NRF1: variants seen among roughly 807,000 people sequenced by gnomAD.
NRF1 encodes nuclear respiratory factor 1, also known as alpha palindromic-binding protein.
In NRF1, 5 loss-of-function variants were observed where a neutral mutation model predicts 58.5. The ratio of observed to expected loss-of-function variants is 0.09; its 90% CI spans 0.04 to 0.18. The LOEUF (loss-of-function observed/expected upper bound fraction) is 0.18. Ranked by LOEUF, NRF1 falls within the 10% of genes least tolerant of loss-of-function variation. The pLI, the probability that NRF1 is intolerant of heterozygous loss-of-function variation, is 1.00. For missense variants in NRF1, 288 were observed against 657.7 expected (o/e 0.44, Z 6.15); for synonymous variants, 224 against 246.7 (o/e 0.91, Z 0.86).
In NRF1 at chr7:129,709,197, C is replaced by A; in HGVS notation, c.729C>A (p.Val243=). The change falls in exon 6 of 11, where the codon GTC becomes GTA. Residue 243 remains valine (V), a synonymous_variant. Coordinates refer to ENST00000393232, the MANE Select transcript of NRF1 (RefSeq NM_005011.5). ...WWPEDIPWAN[V]RSDVRTEEQK... ...CTGAAGATATCCCCTGGGCAAATGTCCGGAGTGATGTCCGCACAGAAGAGC... is the reference window on the plus strand; with the variant it reads ...CTGAAGATATCCCCTGGGCAAATGTACGGAGTGATGTCCGCACAGAAGAGC... 6.3e-7 allele frequency: 1 copy of A among 1,576,264 alleles called. No individual in the cohort carries two copies. Among genetic ancestry groups the A allele is most frequent in the South Asian group, 1.2e-5 (1 of 85,272 alleles).
chr7:129,688,951 G>A (rs1802504532), intron 4 of NRF1, among the ~76,000 whole-genome samples: 1 of 151,368 alleles, frequency 6.6e-6, no homozygotes, highest in South Asian at 2.1e-4. Context: ...GTGTGTGTGA[G>A]TAGGCAGCAT....
chr7:129,657,262 T>C, intron 1 of NRF1, 84 bp from the exon 2 acceptor site: 2 of 1,020,142 alleles, frequency 2.0e-6, no homozygotes, highest in Non-Finnish European at 3.0e-6. Flanking sequence ...GTTCCTCTGC[T>C]CTTGAATAAA....
At chr7:129,749,950 T>C (rs1804073766) in intron 10 of NRF1, among the ~76,000 whole-genome samples, 1 of 152,080 alleles carries the variant, frequency 6.6e-6, no homozygotes, top group South Asian at 2.1e-4. Flanking sequence ...TTCAGGACAT[T>C]AGAAGTATGT....
intron 6 of NRF1, among the ~76,000 whole-genome samples, chr7:129,709,698 GTATT>G (rs953997941): frequency 2.0e-5 from 3 of 147,258 alleles, no homozygotes; most frequent in Admixed American, 6.7e-5. Context: ...CTTTTTTTGC[GTATT>G]TATTTTTCTT....
chr7:129,702,393 T>A (rs1802847187), intron 5 of NRF1, among the ~76,000 whole-genome samples: 1 of 152,190 alleles, frequency 6.6e-6, no homozygotes, highest in Non-Finnish European at 1.5e-5. Context: ...ACGTTGATCT[T>A]TTCTCCAAAC....
intron 4 of NRF1, among the ~76,000 whole-genome samples, chr7:129,680,142 A>T (rs567975095): frequency 6.6e-6 from 1 of 152,214 alleles, no homozygotes; most frequent in Non-Finnish European, 1.5e-5. Context: ...AATGTCCAAC[A>T]AGCACATGAG....
intron 9 of NRF1, among the ~76,000 whole-genome samples, chr7:129,720,739 C>T (rs1446630257): frequency 2.6e-5 from 4 of 152,070 alleles, no homozygotes; most frequent in Admixed American, 6.6e-5. Context: ...TTCTCAACCA[C>T]GCTGTTAAGA....
intron 10 of NRF1, among the ~76,000 whole-genome samples, chr7:129,753,322 G>T (rs11763880): frequency 0.14 from 22,009 of 152,076 alleles, 1,641 homozygotes; most frequent in South Asian, 0.19. Context: ...GTTGGGGTTG[G>T]TCTAATCAAT....
Position 129,711,594 on chromosome 7 carries a change from T to C in NRF1, c.1065+18T>C, listed in dbSNP as rs773660467. The C allele has an allele frequency of 6.3e-7, 1 of 1,579,070 alleles. No homozygotes were observed. The highest frequency in any genetic ancestry group is 8.7e-7 in the Non-Finnish European group (1 of 1,153,788). Reference sequence around the variant, plus strand: ...ATGGAGAGGTAAGAAAGAGATTCCATCTGCATCTTCTTAAATACTTGAATG... The same window carrying C: ...ATGGAGAGGTAAGAAAGAGATTCCACCTGCATCTTCTTAAATACTTGAATG... On this transcript the variant is annotated intron_variant, in intron 8 of 10. Coordinates refer to ENST00000393232, the MANE Select transcript of NRF1 (RefSeq NM_005011.5).
intron 5 of NRF1, among the ~76,000 whole-genome samples, chr7:129,697,329 G>T (rs1454920993): frequency 6.6e-6 from 1 of 151,868 alleles, no homozygotes; most frequent in Non-Finnish European, 1.5e-5. Flanking sequence ...AGATCATGAG[G>T]TCAGGAGATC....
At chr7:129,629,634 T>C (rs1801004160) in intron 1 of NRF1, among the ~76,000 whole-genome samples, 2 of 152,182 alleles carry the variant, frequency 1.3e-5, no homozygotes, top group Non-Finnish European at 2.9e-5. Flanking sequence ...AATGCAACAC[T>C]TCTGAATGCA....
At chr7:129,750,979 T>TG (rs1417946980) in intron 10 of NRF1, among the ~76,000 whole-genome samples, 1 of 152,208 alleles carries the variant, frequency 6.6e-6, no homozygotes, top group Non-Finnish European at 1.5e-5. Context: ...CACTCAAAGA[T>TG]GGAGACTTAA....
chr7:129,747,932 A>G (rs1242693280), intron 10 of NRF1, among the ~76,000 whole-genome samples: 1 of 152,222 alleles, frequency 6.6e-6, no homozygotes, highest in Admixed American at 6.5e-5. Flanking sequence ...ACATTTTCAT[A>G]TCATATTCAA....
chr7:129,656,372 A>G (rs1192297514), intron 1 of NRF1, among the ~76,000 whole-genome samples: 1 of 152,062 alleles, frequency 6.6e-6, no homozygotes, highest in Non-Finnish European at 1.5e-5. Flanking sequence ...GACAATATGT[A>G]TAATATGAAC....
At chr7:129,643,568 G>T (rs1339791800) in intron 1 of NRF1, among the ~76,000 whole-genome samples, 1 of 152,208 alleles carries the variant, frequency 6.6e-6, no homozygotes, top group Non-Finnish European at 1.5e-5. Context: ...AAATGCTTGG[G>T]TAGACCAAAC....
chr7:129,746,442 G>A (rs1055920253), intron 10 of NRF1, among the ~76,000 whole-genome samples: 1 of 152,026 alleles, frequency 6.6e-6, no homozygotes, highest in African/African-American at 2.4e-5. Flanking sequence ...CTGATTTCCT[G>A]TTATCTTCTT....
At chr7:129,754,699 T>G (rs1804210445) in intron 10 of NRF1, among the ~76,000 whole-genome samples, 1 of 152,120 alleles carries the variant, frequency 6.6e-6, no homozygotes, top group East Asian at 1.9e-4. Context: ...GTCACCACAA[T>G]GAATGATAAA....
chr7:129,623,925 G>T (rs1371693837), intron 1 of NRF1, among the ~76,000 whole-genome samples: 1 of 152,168 alleles, frequency 6.6e-6, no homozygotes. Context: ...GAGAATCTGA[G>T]AATAAAAAGT....
chr7:129,683,159 T>C (rs113406510), intron 4 of NRF1, among the ~76,000 whole-genome samples: 4,797 of 152,048 alleles, frequency 0.032, 248 homozygotes, highest in African/African-American at 0.11. Context: ...TGCCTTGGCC[T>C]CCCAAAGCGT....
Sources: gnomAD v4.1 joint callset for allele counts (sites outside exome capture counted in the v4.1 genomes callset) on GRCh38, gnomAD v4.1.1 for gene constraint, MANE v1.5 for transcripts, NCBI Gene and HGNC (gene_info 2026-07-23, HGNC 2026-07-21) for gene names.